Variants in DTWD2 observed in about 807,000 individuals in gnomAD.
DTWD2 encodes DTW motif tRNA-uridine aminocarboxypropyltransferase 2, also known as tRNA-uridine aminocarboxypropyltransferase 2.
A neutral mutation model predicts 31.8 loss-of-function variants in DTWD2; 39 were observed. The ratio of observed to expected loss-of-function variants is 1.22; its 90% CI spans 0.95 to 1.60. The LOEUF is 1.60. DTWD2 is among the 40% of genes most tolerant of loss of function. The probability of loss-of-function intolerance (pLI) is 0.00; values close to 1 mark genes in which losing one functional copy is unlikely to be tolerated. For synonymous variants in DTWD2, 180 were observed against 142.8 expected, an observed-to-expected ratio of 1.26 and a Z score of -1.86; for missense variants, 515 against 381.5, an observed-to-expected ratio of 1.35 and a Z score of -2.92.
At chr5:118,904,220 T>C (rs1373530844) in intron 4 of DTWD2, among the ~76,000 whole-genome samples, 2 of 152,018 alleles carry the variant, frequency 1.3e-5, no homozygotes, top group African/African-American at 4.8e-5. Context: ...AATATACACA[T>C]GTTTTAACCC....
At chr5:118,873,502 C>T (rs767908827) in intron 4 of DTWD2, among the ~76,000 whole-genome samples, 13 of 152,186 alleles carry the variant, frequency 8.5e-5, no homozygotes, top group African/African-American at 1.7e-4. Context: ...AGCCTGCATG[C>T]GGCTTCTTCA....
chr5:118,974,086 T>C (rs1755068128), intron 1 of DTWD2: 7 of 1,601,282 alleles, frequency 4.4e-6, no homozygotes, highest in South Asian at 2.2e-5. Context: ...AGGATGACGA[T>C]GTCGATACCA....
chr5:118,842,877 G>A (rs1751751838), intron 5 of DTWD2, among the ~76,000 whole-genome samples: 1 of 151,844 alleles, frequency 6.6e-6, no homozygotes, highest in South Asian at 2.1e-4. Context: ...AGCCTGGGAG[G>A]TCAAGGCGGC....
intron 4 of DTWD2, among the ~76,000 whole-genome samples, chr5:118,906,810 C>A (rs1753344519): frequency 1.3e-5 from 2 of 152,090 alleles, no homozygotes; most frequent in South Asian, 2.1e-4. Flanking sequence ...CAAAACTTAG[C>A]AAACTGCACA....
At chr5:118,845,806 A>ATTT (rs984373932) in intron 5 of DTWD2, among the ~76,000 whole-genome samples, 3 of 152,200 alleles carry the variant, frequency 2.0e-5, no homozygotes, top group Non-Finnish European at 2.9e-5. Context: ...TACACTCAGA[A>ATTT]TGTATTTTGC....
At chr5:118,942,086 T>G (rs916618049) in intron 2 of DTWD2, among the ~76,000 whole-genome samples, 4 of 152,206 alleles carry the variant, frequency 2.6e-5, no homozygotes, top group Non-Finnish European at 5.9e-5. Flanking sequence ...TTAGCCCTTT[T>G]TCAGATGAGT....
chr5:118,941,443 T>C (rs1256098534), intron 2 of DTWD2, among the ~76,000 whole-genome samples: 6 of 152,324 alleles, frequency 3.9e-5, no homozygotes, highest in South Asian at 4.1e-4. Context: ...TTTCTTGTCC[T>C]TGTGATATAG....
chr5:118,922,772 G>A (rs563288809), intron 4 of DTWD2, among the ~76,000 whole-genome samples: 4 of 152,166 alleles, frequency 2.6e-5, no homozygotes, highest in Non-Finnish European at 5.9e-5. Context: ...TCATCCTTCT[G>A]AAAACAACAG....
At chr5:118,872,000 T>C (rs1752516208) in intron 4 of DTWD2, among the ~76,000 whole-genome samples, 1 of 152,234 alleles carries the variant, frequency 6.6e-6, no homozygotes, top group Admixed American at 6.5e-5. Flanking sequence ...AACTTCTACA[T>C]CAGCACTTGA....
At position 118,981,794 on chromosome 5, in the gene DTWD2, A is replaced by G. The variant is rs537295067; in HGVS notation, c.218+6500T>C. 3.3e-5 allele frequency among the ~76,000 whole-genome samples: 5 copies of G among 152,350 alleles called. No individual in the cohort carries two copies. In the South Asian group the frequency reaches 8.3e-4, roughly 25 times the overall value. On this transcript the variant is annotated intron_variant, in intron 1 of 5. Coordinates refer to ENST00000510708, the MANE Select transcript of DTWD2 (RefSeq NM_173666.4). ...TACAGGCTTGACTTTAAGAAATACA[A>G]TAATTTAAAAATTGCTTACCTCAAA...
intron 4 of DTWD2, among the ~76,000 whole-genome samples, chr5:118,925,225 A>C (rs1178355685): frequency 6.6e-6 from 1 of 152,256 alleles, no homozygotes; most frequent in East Asian, 1.9e-4. Context: ...ATAAGCACTA[A>C]AGCTTTTCAT....
chr5:118,905,616 C>A (rs1255405273), intron 4 of DTWD2, among the ~76,000 whole-genome samples: 1 of 152,084 alleles, frequency 6.6e-6, no homozygotes. Context: ...CTAAAAAACT[C>A]TGGTTTTTTA....
chr5:118,884,996 C>CAAAAAAA (rs36042211), intron 4 of DTWD2, among the ~76,000 whole-genome samples: 3 of 49,750 alleles, frequency 6.0e-5, no homozygotes, highest in African/African-American at 2.5e-4. Context: ...ACTCCATCTC[C>CAAAAAAA]AAAAAAAAAA....
intron 3 of DTWD2, among the ~76,000 whole-genome samples, chr5:118,932,800 T>G (rs76746454): frequency 0.027 from 4,042 of 152,288 alleles, 66 homozygotes; most frequent in Non-Finnish European, 0.026. Flanking sequence ...CTTGGAGTTC[T>G]AAACTCAAGA....
At chr5:118,969,084 C>A (rs545646204) in intron 1 of DTWD2, among the ~76,000 whole-genome samples, 1 of 152,278 alleles carries the variant, frequency 6.6e-6, no homozygotes, top group African/African-American at 2.4e-5. Flanking sequence ...GACCCTGCTT[C>A]ATCCCTCCTC....
chr5:118,963,503 C>T (rs796916149), intron 1 of DTWD2, among the ~76,000 whole-genome samples: 3 of 152,280 alleles, frequency 2.0e-5, no homozygotes, highest in African/African-American at 4.8e-5. Context: ...GGATGTTACA[C>T]AAAAGATTCT....
chr5:118,983,515 C>G (rs1386838789), intron 1 of DTWD2, among the ~76,000 whole-genome samples: 2 of 151,280 alleles, frequency 1.3e-5, no homozygotes, highest in African/African-American at 4.9e-5. Context: ...CCCATTTTCT[C>G]TCTCTCTCTC....
chr5:118,944,086 T>A (rs944226927), intron 2 of DTWD2, among the ~76,000 whole-genome samples: 2 of 152,248 alleles, frequency 1.3e-5, no homozygotes, highest in African/African-American at 4.8e-5. Flanking sequence ...AATCTTTACA[T>A]ATAACATGCA....
chr5:118,862,654 A>G (rs1186848750), intron 4 of DTWD2, among the ~76,000 whole-genome samples: 1 of 152,232 alleles, frequency 6.6e-6, no homozygotes, highest in African/African-American at 2.4e-5. Flanking sequence ...TTAGCTGGTA[A>G]AACAGTCTTG....
Sources: gnomAD v4.1 joint callset for allele counts (sites outside exome capture counted in the v4.1 genomes callset) on GRCh38, gnomAD v4.1.1 for gene constraint, MANE v1.5 for transcripts, NCBI Gene and HGNC (gene_info 2026-07-23, HGNC 2026-07-21) for gene names.